Variants in FDFT1 observed in about 807,000 individuals in gnomAD.
FDFT1 encodes farnesyl-diphosphate farnesyltransferase 1, also known as squalene synthase.
A neutral mutation model predicts 46.8 loss-of-function variants in FDFT1; 68 were observed. The observed-to-expected ratio is 1.45, with a 90% CI of 1.19 to 1.78. The LOEUF (loss-of-function observed/expected upper bound fraction) is 1.78. Among genes scored for constraint, FDFT1 ranks in the 40% most tolerant of loss-of-function variants. FDFT1 has a pLI of 0.00. For missense variants in FDFT1, 928 were observed against 524.4 expected (o/e 1.77, Z -7.52); for synonymous variants, 351 against 185.1 (o/e 1.90, Z -7.28).
chr8:11,838,189 G>A (rs1226453588), intron 7 of FDFT1, among the ~76,000 whole-genome samples, 199 bp from the exon 8 acceptor site: 1 of 152,202 alleles, frequency 6.6e-6, no homozygotes, highest in Non-Finnish European at 1.5e-5. Context: ...CAGGAAGACA[G>A]GCTTTGAGAT....
At chr8:11,811,378 C>A (rs756010815) in intron 3 of FDFT1, among the ~76,000 whole-genome samples, 1 of 152,174 alleles carries the variant, frequency 6.6e-6, no homozygotes, top group South Asian at 2.1e-4. Context: ...AGCCAAATTA[C>A]ATTTGACTTG....
chr8:11,808,614 A>G, intron 1 of FDFT1, 180 bp from the exon 2 acceptor site: 1 of 1,391,138 alleles, frequency 7.2e-7, no homozygotes, highest in South Asian at 1.6e-5. Flanking sequence ...GGGCGCAGGC[A>G]CCGCCCCGCG....
At chr8:11,802,212 T>A, upstream of FDFT1, 2 of 405,856 alleles carry the variant, frequency 4.9e-6, no homozygotes, top group South Asian at 3.5e-5. Flanking sequence ...TGTGTTACAG[T>A]AAAGACGCCC....
intron 7 of FDFT1, among the ~76,000 whole-genome samples, chr8:11,833,152 T>C (rs1000295935): frequency 6.6e-6 from 1 of 152,174 alleles, no homozygotes; most frequent in African/African-American, 2.4e-5. Context: ...GATGAAAATA[T>C]TCAGCCAGTG....
chr8:11,818,114 A>C (rs1421876867), intron 3 of FDFT1, among the ~76,000 whole-genome samples: 1 of 152,136 alleles, frequency 6.6e-6, no homozygotes, highest in Non-Finnish European at 1.5e-5. Flanking sequence ...TCATTTCGTT[A>C]TGTACCCAGT....
chr8:11,803,651 A>G, intron 1 of FDFT1: 1 of 465,842 alleles, frequency 2.1e-6, no homozygotes, highest in Non-Finnish European at 3.3e-6. Flanking sequence ...AGACAAATTC[A>G]GCCAAGTTCT....
At chr8:11,818,224 GAA>G (rs1199669402) in intron 3 of FDFT1, among the ~76,000 whole-genome samples, 1 of 152,212 alleles carries the variant, frequency 6.6e-6, no homozygotes, top group Admixed American at 6.6e-5. Flanking sequence ...TGGTCTGAGA[GAA>G]AGTTTGTTGT....
Position 11,803,300 on chromosome 8 carries a change from G to A in FDFT1, c.99+369G>A, listed in dbSNP as rs930716139. On this transcript the variant is annotated intron_variant, in intron 1 of 7. Transcript: ENST00000220584. ...CGGGAGAGGACGAGTGAGTTTTTTGGTAAGCGGAATGAACTATGCAGATAA... is the reference window on the plus strand; with the variant it reads ...CGGGAGAGGACGAGTGAGTTTTTTGATAAGCGGAATGAACTATGCAGATAA... The A allele has an allele frequency of 1.1e-5, 14 of 1,309,174 alleles. No individual in the cohort carries two copies. In the Admixed American group the frequency reaches 2.7e-4, roughly 25 times the overall value. The allele number at this position is 1,309,174 out of a possible 1,614,324, so 81.1% of individuals were successfully genotyped here. A position where few individuals can be genotyped will look rare whatever the true frequency, so the allele number is the denominator to read the frequency against.
At chr8:11,837,104 G>A (rs746458610) in intron 7 of FDFT1, among the ~76,000 whole-genome samples, 2 of 152,250 alleles carry the variant, frequency 1.3e-5, no homozygotes, top group Admixed American at 6.5e-5. Flanking sequence ...TGAGACTTGG[G>A]GGCCTAGGTA....
intron 4 of FDFT1, among the ~76,000 whole-genome samples, chr8:11,823,281 G>T (rs1410034621): frequency 6.6e-6 from 1 of 152,026 alleles, no homozygotes; most frequent in African/African-American, 2.4e-5. Context: ...CTTCTACTTT[G>T]GGGGAAGATG....
chr8:11,820,370 G>A (rs1318312312), intron 3 of FDFT1, among the ~76,000 whole-genome samples: 1 of 152,194 alleles, frequency 6.6e-6, no homozygotes, highest in South Asian at 2.1e-4. Flanking sequence ...GAGAACCACT[G>A]CTCTCTTCAG....
intron 4 of FDFT1, among the ~76,000 whole-genome samples, chr8:11,825,686 C>CA (rs5889388): frequency 0.73 from 105,135 of 144,422 alleles, 38,056 homozygotes; most frequent in East Asian, 0.99. Flanking sequence ...GACTCCATCT[C>CA]AAAAAAAAAA....
At chr8:11,805,461 C>T (rs1806713168) in intron 1 of FDFT1, among the ~76,000 whole-genome samples, 1 of 152,172 alleles carries the variant, frequency 6.6e-6, no homozygotes, top group South Asian at 2.1e-4. Flanking sequence ...GGCTCCTGTC[C>T]AATCTAAATC....
chr8:11,808,787 C>T lies in FDFT1; in HGVS notation c.100-7C>T, dbSNP rs765362519. Reference sequence around the variant, plus strand: ...CTCCCACCGCCGTGTGTGTTGTCTGCCCGCAGGACTCGCTCAGCAGCAGCC... The same window carrying T: ...CTCCCACCGCCGTGTGTGTTGTCTGTCCGCAGGACTCGCTCAGCAGCAGCC... On this transcript the variant is annotated splice_polypyrimidine_tract_variant and splice_region_variant and intron_variant, in intron 1 of 7. Coordinates refer to ENST00000220584, the MANE Select transcript of FDFT1 (RefSeq NM_004462.5). 3.5e-5 allele frequency: 56 copies of T among 1,613,100 alleles called. 1 individual carries two copies. The South Asian group carries it at 4.3e-4, about 12-fold the overall frequency.
Position 11,808,782 on chromosome 8 carries a change from G to C in FDFT1, c.100-12G>C, listed in dbSNP as rs1807278143. The C allele has an allele frequency of 6.2e-7, 1 of 1,611,988 alleles. No homozygotes were observed. On this transcript the variant is annotated splice_polypyrimidine_tract_variant and intron_variant, in intron 1 of 7. Coordinates refer to ENST00000220584, the MANE Select transcript of FDFT1 (RefSeq NM_004462.5). ...GACGTCTCCCACCGCCGTGTGTGTT[G>C]TCTGCCCGCAGGACTCGCTCAGCAG...
intron 7 of FDFT1, among the ~76,000 whole-genome samples, chr8:11,832,554 A>AAAAAAAAAAAAAAAAAAAAAAT (rs1810954816): frequency 1.3e-5 from 1 of 78,532 alleles, no homozygotes; most frequent in Non-Finnish European, 2.5e-5. Flanking sequence ...TTTGTCTCAA[A>AAAAAAAAAAAAAAAAAAAAAAT]AAAAAAAAAA....
At chr8:11,827,499 C>A (rs1280575177) in intron 5 of FDFT1, among the ~76,000 whole-genome samples, 1 of 149,022 alleles carries the variant, frequency 6.7e-6, no homozygotes, top group African/African-American at 2.5e-5. Context: ...GCCTCGGTGG[C>A]AGAATGAAAC....
chr8:11,830,236 C>T lies in FDFT1; in HGVS notation c.703-8C>T, dbSNP rs746422066. 3 of 1,610,260 alleles carry T rather than the reference C, an allele frequency of 1.9e-6. No individual in the cohort carries two copies. The highest frequency in any genetic ancestry group is 1.1e-5 in the South Asian group (1 of 90,994). On this transcript the variant is annotated splice_polypyrimidine_tract_variant and splice_region_variant and intron_variant, in intron 5 of 7. Transcript: ENST00000220584. ...CTGACCTGTTCCTTAATCTTCTTAT[C>T]TGTCTAGGTTTGGAGCAGGTATGTT...
In FDFT1 at chr8:11,812,709, C is replaced by G. The variant is rs535658239; in HGVS notation, c.381+2859C>G. On this transcript the variant is annotated intron_variant, in intron 3 of 7. Coordinates refer to ENST00000220584, the MANE Select transcript of FDFT1 (RefSeq NM_004462.5). ...TGGGCCTCCATTTGTCCTCTTATCC[C>G]AGGCCTTGCAGAATTTAGGAATAAG... 1.1e-4 allele frequency among the ~76,000 whole-genome samples: 17 copies of G among 152,278 alleles called. No individual in the cohort carries two copies. The South Asian group carries it at 3.3e-3, about 30-fold the overall frequency.
Sources: gnomAD v4.1 joint callset for allele counts (sites outside exome capture counted in the v4.1 genomes callset) on GRCh38, gnomAD v4.1.1 for gene constraint, MANE v1.5 for transcripts, NCBI Gene and HGNC (gene_info 2026-07-23, HGNC 2026-07-21) for gene names.